SRGAP3: variants seen among roughly 807,000 people sequenced by gnomAD.
The protein encoded by SRGAP3 is SLIT-ROBO Rho GTPase-activating protein 3.
Under a neutral mutation model 121.1 loss-of-function variants are expected in SRGAP3, and 39 were observed. The observed-to-expected ratio is 0.32, with a 90% CI of 0.25 to 0.42. SRGAP3 has a LOEUF of 0.42. SRGAP3 is among the 10% of genes least tolerant of loss of function. The pLI is 1.00. For missense variants in SRGAP3, 1,213 were observed against 1,470.6 expected (o/e 0.82, Z 2.86); for synonymous variants, 601 against 570.0 (o/e 1.05, Z -0.77).
At chr3:9,228,489 C>A (rs1041957919) in intron 1 of SRGAP3, among the ~76,000 whole-genome samples, 2 of 152,170 alleles carry the variant, frequency 1.3e-5, no homozygotes, top group Non-Finnish European at 2.9e-5. Context: ...CCTGTTGAGT[C>A]CTGAACTGCT....
At chr3:9,202,929 G>A (rs1381804214) in intron 1 of SRGAP3, among the ~76,000 whole-genome samples, 2 of 152,182 alleles carry the variant, frequency 1.3e-5, no homozygotes, top group Non-Finnish European at 2.9e-5. Flanking sequence ...ACTGGTTGAT[G>A]GGAGGGCATA....
chr3:9,125,869 T>A lies in SRGAP3; in HGVS notation c.68-952A>T, dbSNP rs3856904. 4.6e-3 allele frequency among the ~76,000 whole-genome samples: 694 copies of A among 152,278 alleles called. 3 individuals carry two copies. The highest frequency in any genetic ancestry group is 7.6e-3 in the Non-Finnish European group (517 of 68,032). On this transcript the variant is annotated intron_variant, in intron 1 of 21. Coordinates refer to ENST00000383836, the MANE Select transcript of SRGAP3 (RefSeq NM_014850.4). ...CTGCCTGAGTATTAGGTCCAACTCCTCAGCATGACATTCAAGACCATCCAC... is the reference window on the plus strand; with the variant it reads ...CTGCCTGAGTATTAGGTCCAACTCCACAGCATGACATTCAAGACCATCCAC...
At chr3:9,096,556 T>A (rs1947975491) in intron 3 of SRGAP3, among the ~76,000 whole-genome samples, 1 of 152,154 alleles carries the variant, frequency 6.6e-6, no homozygotes, top group Non-Finnish European at 1.5e-5. Flanking sequence ...CCTAATTTGC[T>A]AAGAGTTTTT....
intron 1 of SRGAP3, among the ~76,000 whole-genome samples, chr3:9,212,613 G>T (rs909926096): frequency 7.2e-5 from 11 of 152,320 alleles, no homozygotes; most frequent in African/African-American, 2.6e-4. Flanking sequence ...TACTCGGGAG[G>T]CTAAGGCAGG....
intron 1 of SRGAP3, among the ~76,000 whole-genome samples, chr3:9,345,804 A>G (rs904746556): frequency 6.7e-6 from 1 of 150,022 alleles, no homozygotes; most frequent in Admixed American, 6.7e-5. Flanking sequence ...AAAAAAAAAA[A>G]GAAAAGAAAA....
At chr3:9,193,113 C>T (rs534602727) in intron 1 of SRGAP3, 1 of 152,302 alleles carries the variant, frequency 6.6e-6, no homozygotes, top group East Asian at 1.9e-4. Context: ...GTGAGGGAGA[C>T]AAGTCAAGGA....
chr3:9,074,670 A>G (rs537563048), intron 4 of SRGAP3, among the ~76,000 whole-genome samples: 1 of 152,326 alleles, frequency 6.6e-6, no homozygotes, highest in African/African-American at 2.4e-5. Context: ...TCCCAGTCTC[A>G]GCTCTCTCCA....
intron 1 of SRGAP3, among the ~76,000 whole-genome samples, chr3:9,150,270 C>T (rs573553897): frequency 6.6e-6 from 1 of 151,508 alleles, no homozygotes; most frequent in African/African-American, 2.4e-5. Context: ...GGGAGAATGT[C>T]CCCAGCAGAA....
rs1205222013 is a variant in SRGAP3 at position 9,239,855 on chromosome 3, C to T, written c.67+9030G>A. 6.6e-6 allele frequency among the ~76,000 whole-genome samples: 1 copy of T among 152,186 alleles called. No homozygotes were observed. The highest frequency in any genetic ancestry group is 1.5e-5 in the Non-Finnish European group (1 of 68,032). ...GAGACAAGTATAAAACATTAGGGAA[C>T]TGAGCCAGAGGCAAAAAGAAAAAGC... On this transcript the variant is annotated intron_variant, in intron 1 of 21. Coordinates refer to ENST00000383836, the MANE Select transcript of SRGAP3 (RefSeq NM_014850.4). The surrounding 1 kb of genome is among the most constrained non-coding windows in gnomAD (Gnocchi z 4.0).
intron 1 of SRGAP3, among the ~76,000 whole-genome samples, chr3:9,219,781 G>A (rs1330675678): frequency 6.6e-6 from 1 of 152,128 alleles, no homozygotes; most frequent in Non-Finnish European, 1.5e-5. Flanking sequence ...AACCCGGGAG[G>A]TGGAGCTTGC....
intron 1 of SRGAP3, among the ~76,000 whole-genome samples, chr3:9,138,059 G>A (rs772962016): frequency 6.6e-6 from 1 of 152,226 alleles, no homozygotes; most frequent in Non-Finnish European, 1.5e-5. Context: ...TCTGACTGAT[G>A]ATGTTTATCT....
At chr3:9,265,202 A>AGAAG (rs1180401175) in intron 3 of SRGAP3, among the ~76,000 whole-genome samples, 1 of 152,214 alleles carries the variant, frequency 6.6e-6, no homozygotes, top group Non-Finnish European at 1.5e-5. Flanking sequence ...CCCCTTCCTT[A>AGAAG]CACCTTATAC....
chr3:9,333,598 A>T (rs975153958), intron 1 of SRGAP3, among the ~76,000 whole-genome samples: 4 of 152,040 alleles, frequency 2.6e-5, no homozygotes, highest in Non-Finnish European at 4.4e-5. Context: ...AGAAACAATT[A>T]TTTCTTCAGA....
intron 1 of SRGAP3, among the ~76,000 whole-genome samples, chr3:9,125,444 A>G (rs573895601): frequency 9.2e-5 from 14 of 152,344 alleles, no homozygotes; most frequent in African/African-American, 3.4e-4. Context: ...CGGCAGTGTG[A>G]CTTTCTCCAT....
chr3:9,008,628 A>G (rs1943206519), intron 18 of SRGAP3, among the ~76,000 whole-genome samples: 1 of 152,206 alleles, frequency 6.6e-6, no homozygotes, highest in African/African-American at 2.4e-5. Context: ...GCAAATCACC[A>G]GGAATAAGCA....
At chr3:9,140,203 A>T (rs1036566693) in intron 1 of SRGAP3, among the ~76,000 whole-genome samples, 1 of 152,138 alleles carries the variant, frequency 6.6e-6, no homozygotes, top group Non-Finnish European at 1.5e-5. Flanking sequence ...TGTCTATAGA[A>T]GTGAAAACTT....
At chr3:9,288,240 T>C (rs1954813000) in intron 3 of SRGAP3, among the ~76,000 whole-genome samples, 1 of 149,958 alleles carries the variant, frequency 6.7e-6, no homozygotes, top group South Asian at 2.2e-4. Context: ...CAGGTTCAAG[T>C]GATTATCCTG....
chr3:9,210,046 CAA>C (rs60653062), intron 1 of SRGAP3, among the ~76,000 whole-genome samples: 26,404 of 147,152 alleles, frequency 0.18, 2,548 homozygotes, highest in East Asian at 0.49. Flanking sequence ...GCTAGACACA[CAA>C]AAAAAAAAAA....
chr3:9,226,153 G>A (rs1350304373), intron 1 of SRGAP3, among the ~76,000 whole-genome samples: 4 of 152,230 alleles, frequency 2.6e-5, no homozygotes, highest in South Asian at 2.1e-4. Flanking sequence ...AAATAAGGCA[G>A]GGGGTCAGGG....
Sources: gnomAD v4.1 joint callset for allele counts (sites outside exome capture counted in the v4.1 genomes callset) on GRCh38, gnomAD v4.1.1 for gene constraint, Gnocchi (gnomAD v3.1) non-coding constraint, MANE v1.5 for transcripts, NCBI Gene and HGNC (gene_info 2026-07-23, HGNC 2026-07-21) for gene names.